Variants in SDK1 observed in about 807,000 individuals in gnomAD.
The protein encoded by SDK1 is protein sidekick-1.
A neutral mutation model predicts 245.5 loss-of-function variants in SDK1; 157 were observed. That is an observed-to-expected ratio of 0.64 (90% CI 0.56 to 0.73). The LOEUF (loss-of-function observed/expected upper bound fraction) is 0.73, where lower values mean the gene tolerates loss of function less well. SDK1 is among the 30% of genes least tolerant of loss of function. SDK1 has a pLI of 0.00. For synonymous variants in SDK1, 1,647 were observed against 1,278.5 expected, an observed-to-expected ratio of 1.29 and a Z score of -6.15; for missense variants, 3,583 against 3,002.3, an observed-to-expected ratio of 1.19 and a Z score of -4.52.
chr7:3,497,353 A>G (rs2128606975), intron 1 of SDK1, among the ~76,000 whole-genome samples: 1 of 152,302 alleles, frequency 6.6e-6, no homozygotes, highest in East Asian at 1.9e-4. Flanking sequence ...GGGAAATGTC[A>G]AGCTATGTAC....
chr7:3,587,564 G>C (rs1025927019), intron 1 of SDK1, among the ~76,000 whole-genome samples: 2 of 152,198 alleles, frequency 1.3e-5, no homozygotes, highest in African/African-American at 4.8e-5. Context: ...AGAGAAGGCA[G>C]TGTGAATCCA....
intron 44 of SDK1, among the ~76,000 whole-genome samples, chr7:4,251,678 C>G (rs1314652120): frequency 6.6e-6 from 1 of 152,172 alleles, no homozygotes; most frequent in Non-Finnish European, 1.5e-5. Context: ...ACACTGCAGT[C>G]TTATAATTTA....
intron 8 of SDK1, 139 bp downstream of exon 8, chr7:3,959,153 C>A: frequency 1.4e-6 from 1 of 705,582 alleles, no homozygotes; most frequent in South Asian, 1.7e-5. Flanking sequence ...GTAGATCGGT[C>A]TTGGGGCAGT....
At chr7:3,440,662 A>C (rs922112449) in intron 1 of SDK1, among the ~76,000 whole-genome samples, 1 of 152,186 alleles carries the variant, frequency 6.6e-6, no homozygotes, top group Non-Finnish European at 1.5e-5. Context: ...CTTTAAATGA[A>C]AAGGTGAACG....
chr7:3,734,829 A>C (rs1027559121), intron 4 of SDK1, among the ~76,000 whole-genome samples: 7 of 152,194 alleles, frequency 4.6e-5, no homozygotes, highest in African/African-American at 1.7e-4. Flanking sequence ...AGGATTAGCC[A>C]GCTTTTCTTT....
chr7:3,457,347 G>C (rs1780702604), intron 1 of SDK1, among the ~76,000 whole-genome samples: 1 of 152,040 alleles, frequency 6.6e-6, no homozygotes, highest in African/African-American at 2.4e-5. Flanking sequence ...CTTTCTTCTT[G>C]CAGGAAGAAA....
intron 42 of SDK1, among the ~76,000 whole-genome samples, chr7:4,239,970 C>T (rs988473862): frequency 3.3e-5 from 5 of 152,188 alleles, no homozygotes; most frequent in African/African-American, 1.2e-4. Flanking sequence ...AAAAACCAGT[C>T]ACCTAAAATG....
intron 42 of SDK1, among the ~76,000 whole-genome samples, chr7:4,238,541 CAACAA>C (rs1335484148): frequency 6.6e-6 from 1 of 150,742 alleles, no homozygotes; most frequent in East Asian, 1.9e-4. Flanking sequence ...CCAGCCTGGA[CAACAA>C]AGCGAGATCC....
chr7:3,884,075 GTTTTTTTGTTTTTTTTTTTT>G (rs1381061700), intron 5 of SDK1, among the ~76,000 whole-genome samples: 121 of 138,980 alleles, frequency 8.7e-4, no homozygotes, highest in Middle Eastern at 3.8e-3. Context: ...TTGTTTGTTT[GTTTTTTTGTTTTTTTTTTTT>G]TTTGAGACAG....
chr7:4,033,495 C>A (rs1285395891), intron 17 of SDK1, among the ~76,000 whole-genome samples: 2 of 152,008 alleles, frequency 1.3e-5, no homozygotes, highest in Non-Finnish European at 2.9e-5. Flanking sequence ...CTAAAATATT[C>A]CATATGCAAA....
intron 28 of SDK1, among the ~76,000 whole-genome samples, chr7:4,139,843 G>A (rs1207156892): frequency 6.6e-6 from 1 of 152,084 alleles, no homozygotes; most frequent in Admixed American, 6.5e-5. Flanking sequence ...GCCTCGCCCT[G>A]CGCTGTCTGG....
Position 4,267,612 on chromosome 7 carries a change from G to T in SDK1, c.*2228G>T, listed in dbSNP as rs530030919. 3 of 985,486 alleles carry T rather than the reference G, an allele frequency of 3.0e-6. No individual in the cohort carries two copies. In the East Asian group the frequency reaches 3.4e-4, roughly 112 times the overall value. The allele number at this position is 985,486 out of a possible 1,614,324, so 61.0% of individuals were successfully genotyped here. The stretch of plus-strand genomic sequence containing the variant: ...CTGCTTTCTGTGCACTCTGATGACT[G>T]CTCTCTGCAGCCATGAGGATGTGGC... On this transcript the variant is annotated 3_prime_UTR_variant, in exon 45 of 45. Coordinates refer to ENST00000404826, the MANE Select transcript of SDK1 (RefSeq NM_152744.4).
At chr7:3,979,712 C>T (rs972756849) in intron 13 of SDK1, among the ~76,000 whole-genome samples, 1 of 152,148 alleles carries the variant, frequency 6.6e-6, no homozygotes, top group Admixed American at 6.5e-5. Context: ...GTTTTAGTAG[C>T]GTCTTTGCTC....
At chr7:3,840,829 GCCAGA>G (rs1780138821) in intron 5 of SDK1, among the ~76,000 whole-genome samples, 2 of 152,196 alleles carry the variant, frequency 1.3e-5, no homozygotes, top group African/African-American at 4.8e-5. Flanking sequence ...TAGGACCCAT[GCCAGA>G]CCTAGGGATC....
chr7:3,727,438 C>T (rs1194381896), intron 4 of SDK1, among the ~76,000 whole-genome samples: 1 of 152,132 alleles, frequency 6.6e-6, no homozygotes, highest in Non-Finnish European at 1.5e-5. Context: ...GAATTATTTT[C>T]TGTGCTCTCT....
chr7:3,430,333 T>G (rs1343991077), intron 1 of SDK1, among the ~76,000 whole-genome samples: 1 of 152,190 alleles, frequency 6.6e-6, no homozygotes, highest in Non-Finnish European at 1.5e-5. Flanking sequence ...ATTAAGGTTA[T>G]TTTGATAGCA....
intron 5 of SDK1, among the ~76,000 whole-genome samples, chr7:3,899,327 A>G (rs187164848): frequency 1.1e-3 from 171 of 152,080 alleles, no homozygotes; most frequent in African/African-American, 3.7e-3. Flanking sequence ...GAGTTCTTTC[A>G]TATCTCCCCA....
intron 1 of SDK1, among the ~76,000 whole-genome samples, chr7:3,337,628 G>C (rs1346686307): frequency 1.3e-5 from 2 of 152,232 alleles, no homozygotes; most frequent in Non-Finnish European, 2.9e-5. Context: ...ATACAGGAAA[G>C]CTACTGAAAG....
At chr7:3,861,633 A>T (rs760040820) in intron 5 of SDK1, among the ~76,000 whole-genome samples, 1 of 152,212 alleles carries the variant, frequency 6.6e-6, no homozygotes, top group African/African-American at 2.4e-5. Context: ...TGCTCATTCA[A>T]AACCTTATTT....
Sources: gnomAD v4.1 joint callset for allele counts (sites outside exome capture counted in the v4.1 genomes callset) on GRCh38, gnomAD v4.1.1 for gene constraint, MANE v1.5 for transcripts, NCBI Gene and HGNC (gene_info 2026-07-23, HGNC 2026-07-21) for gene names.